KCNT1: variants seen among roughly 807,000 people sequenced by gnomAD.
KCNT1 encodes the protein potassium sodium-activated channel subfamily T member 1.
A neutral mutation model predicts 147.8 loss-of-function variants in KCNT1; 78 were observed. The ratio of observed to expected loss-of-function variants is 0.53; its 90% CI spans 0.44 to 0.64. The LOEUF (loss-of-function observed/expected upper bound fraction) is 0.64, where lower values mean the gene tolerates loss of function less well. Among genes scored for constraint, KCNT1 ranks in the 30% least tolerant of loss-of-function variants. The pLI, the probability that KCNT1 is intolerant of heterozygous loss-of-function variation, is 0.00. For synonymous variants in KCNT1, 867 were observed against 748.8 expected (o/e 1.16, Z -2.58); for missense variants, 1,419 against 1,750.3 (o/e 0.81, Z 3.38).
At chr9:135,766,634 CCTCTGGGGTGG>C (rs1329053157) in intron 13 of KCNT1, 12 of 152,806 alleles carry the variant, frequency 7.9e-5, no homozygotes, top group African/African-American at 2.9e-4. Context: ...TGGGGTGGAC[CCTCTGGGGTGG>C]ATTGTCTGGG....
chr9:135,710,525 C>T (rs1289938331), intron 1 of KCNT1, among the ~76,000 whole-genome samples: 1 of 152,204 alleles, frequency 6.6e-6, no homozygotes, highest in Non-Finnish European at 1.5e-5. Flanking sequence ...GCACTCGTTC[C>T]AATACCATAG....
At position 135,712,399 on chromosome 9, in the gene KCNT1, G is replaced by C. The variant is rs1224685207; in HGVS notation, c.111-2178G>C. 2.0e-5 allele frequency among the ~76,000 whole-genome samples: 3 copies of C among 152,168 alleles called. No homozygotes were observed. In the East Asian group the frequency reaches 5.8e-4, roughly 29 times the overall value. On this transcript the variant is annotated intron_variant, in intron 1 of 30. Coordinates refer to ENST00000371757, the MANE Select transcript of KCNT1 (RefSeq NM_020822.3). ...TTGGGGGTCCTAGATTTCCTCCAGG[G>C]CCCCTTGGGTCACACAGGGAGGACA...
At chr9:135,740,829 C>A (rs146592053) in intron 2 of KCNT1, among the ~76,000 whole-genome samples, 3 of 152,224 alleles carry the variant, frequency 2.0e-5, no homozygotes, top group Non-Finnish European at 4.4e-5. Context: ...CTGGGACAGG[C>A]GAGCATCAGG....
At chr9:135,769,745 T>C (rs904080006) in intron 15 of KCNT1, among the ~76,000 whole-genome samples, 4 of 151,998 alleles carry the variant, frequency 2.6e-5, no homozygotes, top group Admixed American at 2.6e-4. Flanking sequence ...ACAGGAGCGA[T>C]GGAAGGTCCA....
In KCNT1 at chr9:135,778,493, CAAGT is replaced by C. The variant is rs1324767752; in HGVS notation, c.2594+2_2594+5del. On this transcript the variant is annotated splice_donor_variant and coding_sequence_variant, in exon 22 of 31. Coordinates refer to ENST00000371757, the MANE Select transcript of KCNT1 (RefSeq NM_020822.3). LOFTEE classifies it high-confidence loss of function. ...TCTACTACATGGAGGGCTCTGTGGACAAGTAAGGCGTGGCCGGCCGAGGCTCGTG... is the reference window on the plus strand; with the variant it reads ...TCTACTACATGGAGGGCTCTGTGGACAAGGCGTGGCCGGCCGAGGCTCGTG... 7 of 1,571,588 alleles carry C rather than the reference CAAGT, an allele frequency of 4.5e-6. No homozygotes were observed. Among genetic ancestry groups the C allele is most frequent in the Non-Finnish European group, 6.0e-6 (7 of 1,158,138 alleles).
chr9:135,714,678 G>T lies in KCNT1; in HGVS notation c.212G>T (p.Arg71Leu). ...CCCTTGCCGCCGCGCTACCGCTTCC[G>T]GGACCTGCTGCTGGGCGACCCGTCC... Reference protein sequence around the residue: ...VLPLPPRYRFRDLLLGDPSFQ... With the variant: ...VLPLPPRYRFLDLLLGDPSFQ... Residue 71 changes from arginine (R) to leucine (L), a missense_variant, in exon 2 of 31, where the codon CGG becomes CTG. Transcript: ENST00000371757. The surrounding 1 kb of genome is among the most constrained non-coding windows in gnomAD (Gnocchi z 6.2). The T allele has an allele frequency of 6.8e-7, 1 of 1,480,078 alleles. No homozygotes were observed. 91.7% of individuals were successfully genotyped at this position (1,480,078 alleles called of 1,614,324 possible).
rs962389905 is a variant in KCNT1 at position 135,786,636 on chromosome 9, ATCTG to A, written c.3502+126_3502+129del. On this transcript the variant is annotated intron_variant, in intron 29 of 30. Transcript: ENST00000371757. ...GGCCCGGGCCGTCCTCCTGTCTGTC[ATCTG>A]TCTGTCTGTCAGCCTTTCTGGCCAC... The A allele has an allele frequency of 7.7e-5, 78 of 1,016,124 alleles. No individual in the cohort carries two copies. The Middle Eastern group carries it at 1.6e-3, about 21-fold the overall frequency. 62.9% of individuals were successfully genotyped at this position (1,016,124 alleles called of 1,614,324 possible).
At chr9:135,713,680 C>T (rs990891086) in intron 1 of KCNT1, among the ~76,000 whole-genome samples, 7 of 152,178 alleles carry the variant, frequency 4.6e-5, no homozygotes, top group Admixed American at 6.5e-5. Context: ...CTGCTGGCCT[C>T]GAAGCCTTGA....
rs767824652 is a variant in KCNT1, at chr9:135,757,229, C to T, written c.674C>T (p.Thr225Met). Reference protein sequence around the residue: ...EMINTLPFIITIFWPPLRNLF... With the variant: ...EMINTLPFIIMIFWPPLRNLF... ...ATCAACACTCTGCCCTTCATCATCA[C>T]GGTGGGTGAGCCCCAGCTGCCAGGA... The change falls in exon 8 of 31, where the codon ACG becomes ATG. Residue 225 changes from threonine (T) to methionine (M), a missense_variant and splice_region_variant. Physicochemically the swap from Thr to Met is moderately conservative, Grantham distance 81 (BLOSUM62 -1). Around this residue, in one of 5 missense-constraint regions of KCNT1, gnomAD observed 401 missense variants for 610.6 expected, o/e 0.66. Coordinates refer to ENST00000371757, the MANE Select transcript of KCNT1 (RefSeq NM_020822.3). 5.0e-6 allele frequency: 8 copies of T among 1,612,662 alleles called. No homozygotes were observed. The highest frequency in any genetic ancestry group is 1.1e-5 in the South Asian group (1 of 91,024).
At chr9:135,787,281 G>A (rs533753433) in intron 29 of KCNT1, among the ~76,000 whole-genome samples, 15 of 152,324 alleles carry the variant, frequency 9.8e-5, no homozygotes, top group Middle Eastern at 6.8e-3. Flanking sequence ...GGGCTTCGGG[G>A]CCCTACATGC....
rs1266114277 is a variant in KCNT1 at position 135,752,898 on chromosome 9, G to A, written c.435-1039G>A. On this transcript the variant is annotated intron_variant, in intron 4 of 30. Coordinates refer to ENST00000371757, the MANE Select transcript of KCNT1 (RefSeq NM_020822.3). This position sits in a 1 kb window ranked among gnomAD's most constrained non-coding sequence, Gnocchi z 5.1. ...TGGATGGAGAGATGAGCAGAAGGAT[G>A]GAGGGATGAGTGGATGGATGATGGA... Among the ~76,000 whole-genome samples, 1 of 150,982 alleles carries A rather than the reference G, an allele frequency of 6.6e-6. No homozygotes were observed. Among genetic ancestry groups the A allele is most frequent in the Non-Finnish European group, 1.5e-5 (1 of 67,758 alleles).
At chr9:135,718,192 C>T (rs1420620913) in intron 2 of KCNT1, among the ~76,000 whole-genome samples, 1 of 152,198 alleles carries the variant, frequency 6.6e-6, no homozygotes, top group Admixed American at 6.5e-5. Flanking sequence ...CTGTGCCTTC[C>T]CCTTCCTGGA....
In KCNT1 at chr9:135,757,398, G is replaced by A; in HGVS notation, c.759+17G>A. 1 of 1,602,512 alleles carries A rather than the reference G, an allele frequency of 6.2e-7. No individual in the cohort carries two copies. Among genetic ancestry groups the A allele is most frequent in the South Asian group, 1.1e-5 (1 of 90,990 alleles). On this transcript the variant is annotated intron_variant, in intron 9 of 30. Transcript: ENST00000371757. Reference sequence around the variant, plus strand: ...AACATGATTGTAAGCCGGGGCGGGGGGTGCAGCTGGGACTTGGGGGGGCCA... The same window carrying A: ...AACATGATTGTAAGCCGGGGCGGGGAGTGCAGCTGGGACTTGGGGGGGCCA...
At chr9:135,783,309 C>T (rs926004683) in intron 24 of KCNT1, among the ~76,000 whole-genome samples, 6 of 152,188 alleles carry the variant, frequency 3.9e-5, no homozygotes, top group South Asian at 2.1e-4. Context: ...AGAAGCTGCA[C>T]GGCCAGCTCA....
intron 2 of KCNT1, among the ~76,000 whole-genome samples, chr9:135,715,091 G>C (rs1835670449): frequency 1.3e-5 from 2 of 152,224 alleles, no homozygotes; most frequent in African/African-American, 4.8e-5. Flanking sequence ...GGAGCCCGCA[G>C]CCTGGCTGAG....
At chr9:135,761,418 G>A (rs1831904179) in intron 11 of KCNT1, among the ~76,000 whole-genome samples, 1 of 152,208 alleles carries the variant, frequency 6.6e-6, no homozygotes, top group African/African-American at 2.4e-5. Flanking sequence ...CGGGAGTGAG[G>A]GTGGGAGTGA....
intron 20 of KCNT1, 127 bp downstream of exon 20, chr9:135,775,542 A>G: frequency 6.1e-6 from 4 of 654,620 alleles, no homozygotes; most frequent in Non-Finnish European, 1.0e-5. Context: ...CACAGCTGCA[A>G]GAATTCTGCA....
Position 135,765,077 on chromosome 9 carries a change from G to A in KCNT1, c.1082G>A (p.Gly361Asp). Residue 361 changes from glycine to aspartate, a missense_variant, in exon 12 of 31, where the codon GGC becomes GAC. Coordinates refer to ENST00000371757, the MANE Select transcript of KCNT1 (RefSeq NM_020822.3). ...YLWMERQKSG[G>D]NYSRHRAQTE... ...TGGATGGAGCGGCAGAAGTCAGGGG[G>A]CAACTACAGCCGCCACCGTGCGCAG... 2.5e-6 allele frequency: 4 copies of A among 1,613,210 alleles called. No individual in the cohort carries two copies. The highest frequency in any genetic ancestry group is 3.4e-6 in the Non-Finnish European group (4 of 1,179,842).
intron 11 of KCNT1, among the ~76,000 whole-genome samples, chr9:135,760,641 C>T (rs984555885): frequency 6.6e-6 from 1 of 152,140 alleles, no homozygotes; most frequent in African/African-American, 2.4e-5. Flanking sequence ...AGCTCCCTCC[C>T]GCTAAACAGC....
Sources: gnomAD v4.1 joint callset for allele counts (sites outside exome capture counted in the v4.1 genomes callset) on GRCh38, gnomAD v4.1.1 for gene constraint, gnomAD v4.1.1 regional missense constraint, Gnocchi (gnomAD v3.1) non-coding constraint, MANE v1.5 for transcripts, NCBI Gene and HGNC (gene_info 2026-07-23, HGNC 2026-07-21) for gene names.